SDK1: variants seen among roughly 807,000 people sequenced by gnomAD.
SDK1 encodes the protein protein sidekick-1.
In SDK1, 157 loss-of-function variants were observed where a neutral mutation model predicts 245.5. That is an observed-to-expected ratio of 0.64 (90% CI 0.56 to 0.73). SDK1 has a LOEUF of 0.73. Ranked by LOEUF, SDK1 falls within the 30% of genes least tolerant of loss-of-function variation. SDK1 has a pLI of 0.00. For missense variants in SDK1, 3,583 were observed against 3,002.3 expected, an observed-to-expected ratio of 1.19 and a Z score of -4.52; for synonymous variants, 1,647 against 1,278.5, an observed-to-expected ratio of 1.29 and a Z score of -6.15.
intron 19 of SDK1, among the ~76,000 whole-genome samples, chr7:4,064,919 G>T (rs1029364020): frequency 6.6e-6 from 1 of 152,064 alleles, no homozygotes; most frequent in African/African-American, 2.4e-5. Context: ...GGTGGAGCAG[G>T]GTGGTGGGGA....
intron 4 of SDK1, chr7:3,643,030 A>C (rs1782699078): frequency 6.6e-6 from 1 of 152,274 alleles, no homozygotes; most frequent in Admixed American, 6.5e-5. Flanking sequence ...GTGGGAACCC[A>C]CCTGCTCTCT....
At chr7:3,959,878 C>T (rs1322311109) in intron 8 of SDK1, among the ~76,000 whole-genome samples, 3 of 151,900 alleles carry the variant, frequency 2.0e-5, no homozygotes, top group Non-Finnish European at 4.4e-5. Context: ...GCTTCAATTA[C>T]AAGCTGCCCA....
intron 4 of SDK1, among the ~76,000 whole-genome samples, chr7:3,763,137 C>T (rs1385711703): frequency 6.6e-6 from 1 of 152,028 alleles, no homozygotes; most frequent in Non-Finnish European, 1.5e-5. Context: ...ATTTCTTTTT[C>T]TTTAATAATG....
intron 1 of SDK1, among the ~76,000 whole-genome samples, chr7:3,409,550 G>A (rs536376440): frequency 1.4e-4 from 22 of 152,242 alleles, no homozygotes; most frequent in African/African-American, 4.8e-4. Flanking sequence ...AGTGAAGTTT[G>A]TTTGGCTCCA....
chr7:4,016,984 C>T (rs191677233), intron 16 of SDK1, among the ~76,000 whole-genome samples, 187 bp from the exon 17 acceptor site: 1 of 152,188 alleles, frequency 6.6e-6, no homozygotes, highest in African/African-American at 2.4e-5. Context: ...CTTATAATCA[C>T]TGTGAGATTA....
intron 20 of SDK1, among the ~76,000 whole-genome samples, chr7:4,069,496 G>T (rs762774078): frequency 3.9e-5 from 6 of 152,222 alleles, no homozygotes; most frequent in Non-Finnish European, 7.3e-5. Flanking sequence ...GTCCTGACGC[G>T]AGCGGTCAGT....
At chr7:3,751,920 A>C (rs1779784642) in intron 4 of SDK1, among the ~76,000 whole-genome samples, 1 of 152,216 alleles carries the variant, frequency 6.6e-6, no homozygotes, top group South Asian at 2.1e-4. Flanking sequence ...TAATATTTTG[A>C]AACATTACAA....
At chr7:3,640,435 C>T (rs1289094459) in intron 3 of SDK1, among the ~76,000 whole-genome samples, 2 of 152,108 alleles carry the variant, frequency 1.3e-5, no homozygotes, top group South Asian at 2.1e-4. Context: ...AGATGCTATA[C>T]ATGTTTGATG....
At chr7:4,192,846 G>A (rs371084259) in intron 35 of SDK1, among the ~76,000 whole-genome samples, 2 of 151,488 alleles carry the variant, frequency 1.3e-5, no homozygotes, top group Non-Finnish European at 1.5e-5. Flanking sequence ...CTCCCCTCCC[G>A]TGTGATCCTC....
At chr7:4,055,782 G>C (rs1779158201) in intron 19 of SDK1, among the ~76,000 whole-genome samples, 1 of 151,958 alleles carries the variant, frequency 6.6e-6, no homozygotes, top group Non-Finnish European at 1.5e-5. Flanking sequence ...GTACATTTCT[G>C]CTTCCATGAT....
chr7:3,837,234 A>T (rs917198), intron 5 of SDK1, among the ~76,000 whole-genome samples: 50,906 of 151,994 alleles, frequency 0.33, 10,725 homozygotes, highest in African/African-American at 0.6. Context: ...AGATCAGAAG[A>T]CCCGACTAGA....
At chr7:4,000,532 A>T (rs1396874054) in intron 14 of SDK1, among the ~76,000 whole-genome samples, 4 of 152,110 alleles carry the variant, frequency 2.6e-5, no homozygotes, top group African/African-American at 9.7e-5. Context: ...TTCCCCTGCC[A>T]CAGGTGCCTT....
intron 5 of SDK1, among the ~76,000 whole-genome samples, chr7:3,914,056 G>C (rs1301537311): frequency 6.6e-6 from 1 of 152,174 alleles, no homozygotes. Flanking sequence ...TGTTGAAAAA[G>C]GTAAGGAGCG....
At chr7:3,416,899 A>G (rs1003201110) in intron 1 of SDK1, among the ~76,000 whole-genome samples, 2 of 152,154 alleles carry the variant, frequency 1.3e-5, no homozygotes, top group Non-Finnish European at 2.9e-5. Flanking sequence ...GCAGCCGGGC[A>G]CGGTGGCTCA....
intron 1 of SDK1, among the ~76,000 whole-genome samples, chr7:3,403,837 A>ATAT (rs1778959240): frequency 1.8e-5 from 1 of 54,978 alleles, no homozygotes; most frequent in Non-Finnish European, 2.9e-5. Flanking sequence ...ATATATATAT[A>ATAT]TATATATATA....
Position 3,864,281 on chromosome 7 carries a change from T to G in SDK1, c.847+42698T>G, listed in dbSNP as rs903817061. ...CAAGTTTACTTCTCTTCTCCTTACGTTTCCTATTCTGTTCTCTTTGTTTTT... is the reference window on the plus strand; with the variant it reads ...CAAGTTTACTTCTCTTCTCCTTACGGTTCCTATTCTGTTCTCTTTGTTTTT... On this transcript the variant is annotated intron_variant, in intron 5 of 44. Transcript: ENST00000404826. Among the ~76,000 whole-genome samples, 68 of 152,194 alleles carry G rather than the reference T, an allele frequency of 4.5e-4. 1 individual carries two copies. The highest frequency in any genetic ancestry group is 9.6e-4 in the Non-Finnish European group (65 of 68,028).
At chr7:3,444,246 C>G (rs778211781) in intron 1 of SDK1, among the ~76,000 whole-genome samples, 2 of 152,178 alleles carry the variant, frequency 1.3e-5, no homozygotes, top group Non-Finnish European at 2.9e-5. Flanking sequence ...GCAGTGTGGT[C>G]TTACAGTATT....
intron 5 of SDK1, among the ~76,000 whole-genome samples, chr7:3,921,808 T>TA (rs149627396): frequency 7.9e-5 from 12 of 151,286 alleles, no homozygotes; most frequent in African/African-American, 1.2e-4. Flanking sequence ...TCTATAAAAA[T>TA]AAAAAAAATC....
At chr7:3,395,141 T>C (rs1033627493) in intron 1 of SDK1, among the ~76,000 whole-genome samples, 3 of 152,052 alleles carry the variant, frequency 2.0e-5, no homozygotes, top group African/African-American at 7.2e-5. Flanking sequence ...TTTTTGCACA[T>C]GTTACCAGGT....
Sources: allele counts gnomAD v4.1 joint callset (sites outside exome capture counted in the v4.1 genomes callset), GRCh38; gene constraint gnomAD v4.1.1; transcripts MANE v1.5; gene names NCBI Gene and HGNC (gene_info 2026-07-23, HGNC 2026-07-21).